SIRPA: variants seen among roughly 807,000 people sequenced by gnomAD.
The protein encoded by SIRPA is tyrosine-protein phosphatase non-receptor type substrate 1.
A neutral mutation model predicts 50.3 loss-of-function variants in SIRPA; 9 were observed. The observed-to-expected ratio is 0.18, with a 90% CI of 0.11 to 0.31. The LOEUF (loss-of-function observed/expected upper bound fraction) is 0.31. Ranked by LOEUF, SIRPA falls within the 10% of genes least tolerant of loss-of-function variation. SIRPA has a pLI of 1.00. For synonymous variants in SIRPA, 265 were observed against 284.1 expected, an observed-to-expected ratio of 0.93 and a Z score of 0.68; for missense variants, 474 against 661.6, an observed-to-expected ratio of 0.72 and a Z score of 3.11.
At chr20:1,896,334 G>A (rs998259132) in intron 1 of SIRPA, among the ~76,000 whole-genome samples, 8 of 152,242 alleles carry the variant, frequency 5.3e-5, no homozygotes, top group Non-Finnish European at 1.2e-4. Flanking sequence ...GGCTGTCGCC[G>A]GCAGGCGGGC....
At chr20:1,918,360 C>CTTTTTT (rs60736526) in intron 2 of SIRPA, among the ~76,000 whole-genome samples, 33 of 95,678 alleles carry the variant, frequency 3.4e-4, no homozygotes, top group African/African-American at 1.1e-3. Flanking sequence ...ACCACACCAG[C>CTTTTTT]TTTTTTTTTT....
intron 1 of SIRPA, among the ~76,000 whole-genome samples, chr20:1,914,727 C>A (rs2123089248): frequency 7.5e-6 from 1 of 134,034 alleles, no homozygotes; most frequent in African/African-American, 2.8e-5. Context: ...TGTACAGCCC[C>A]AGATATGCCA....
rs867441688 is a variant in SIRPA at position 1,924,938 on chromosome 20, C to T, written c.1201+61C>T. On this transcript the variant is annotated intron_variant, in intron 5 of 7. Transcript: ENST00000358771. This position sits in a 1 kb window ranked among gnomAD's most constrained non-coding sequence, Gnocchi z 4.5. ...TCCCTGGACTGTCCTCGGAGGGAGA[C>T]GCCATTAGGTGCTTTGGGTTAAGGA... The T allele has an allele frequency of 1.1e-4, 153 of 1,333,596 alleles. No individual in the cohort carries two copies. Among genetic ancestry groups the T allele is most frequent in the African/African-American group, 4.2e-4 (29 of 69,420 alleles). The allele number at this position is 1,333,596 out of a possible 1,614,324, so 82.6% of individuals were successfully genotyped here.
rs1374708259 is a variant in SIRPA, at chr20:1,898,067, C to T, written c.79+2541C>T. ...GAGACCTCTGAGTCACCCCCCAGGC[C>T]GACCTCAGATAAACTCCCATTCATT... On this transcript the variant is annotated intron_variant, in intron 1 of 7. Coordinates refer to ENST00000358771, the MANE Select transcript of SIRPA (RefSeq NM_001040023.2). The surrounding 1 kb of genome is among the most constrained non-coding windows in gnomAD (Gnocchi z 4.3). Among the ~76,000 whole-genome samples the T allele has an allele frequency of 6.6e-6, 1 of 152,202 alleles. No homozygotes were observed. The highest frequency in any genetic ancestry group is 2.4e-5 in the African/African-American group (1 of 41,434).
chr20:1,902,687 G>C (rs1256779995), intron 1 of SIRPA, among the ~76,000 whole-genome samples: 1 of 152,076 alleles, frequency 6.6e-6, no homozygotes, highest in Non-Finnish European at 1.5e-5. Context: ...ACAGAGGGAG[G>C]GCCGCTCTAA....
chr20:1,896,150 T>C (rs1983800421), intron 1 of SIRPA, among the ~76,000 whole-genome samples: 1 of 152,168 alleles, frequency 6.6e-6, no homozygotes, highest in Admixed American at 6.5e-5. Context: ...CGGTGGATTG[T>C]CCCTGTGGTT....
At chr20:1,921,916 C>T (rs1257145174) in intron 3 of SIRPA, among the ~76,000 whole-genome samples, 3 of 152,130 alleles carry the variant, frequency 2.0e-5, no homozygotes, top group East Asian at 1.9e-4. Flanking sequence ...CACCACCCAC[C>T]AGGTGCCAAG....
In SIRPA at chr20:1,937,620, C is replaced by T; in HGVS notation, c.*52C>T. On this transcript the variant is annotated 3_prime_UTR_variant, in exon 8 of 8. Coordinates refer to ENST00000358771, the MANE Select transcript of SIRPA (RefSeq NM_001040023.2). This position sits in a 1 kb window ranked among gnomAD's most constrained non-coding sequence, Gnocchi z 8.3. ...CATCTCTACGCGCTTTCTTGTCCCA[C>T]AGGGAGCCGCCGTGATGAGCACAGC... 8 of 1,590,640 alleles carry T rather than the reference C, an allele frequency of 5.0e-6. No individual in the cohort carries two copies. The highest frequency in any genetic ancestry group is 6.9e-6 in the Non-Finnish European group (8 of 1,166,090).
chr20:1,916,058 T>C (rs2123104809), intron 2 of SIRPA, among the ~76,000 whole-genome samples: 1 of 152,368 alleles, frequency 6.6e-6, no homozygotes, highest in South Asian at 2.1e-4. Context: ...GGGCATTTTC[T>C]GTGGGTCTTT....
intron 1 of SIRPA, among the ~76,000 whole-genome samples, chr20:1,904,627 C>A (rs996149408): frequency 2.6e-5 from 4 of 152,204 alleles, no homozygotes; most frequent in Non-Finnish European, 5.9e-5. Flanking sequence ...AGCGTCGATG[C>A]TTATTAGCTA....
At chr20:1,903,680 G>A (rs898644405) in intron 1 of SIRPA, among the ~76,000 whole-genome samples, 3 of 152,088 alleles carry the variant, frequency 2.0e-5, no homozygotes, top group East Asian at 1.9e-4. Flanking sequence ...TTTCCCACCC[G>A]AGGGCCTTTG....
chr20:1,904,467 G>A (rs1352851722), intron 1 of SIRPA, among the ~76,000 whole-genome samples: 4 of 152,086 alleles, frequency 2.6e-5, no homozygotes, highest in African/African-American at 9.7e-5. Context: ...AGAGGGAGGT[G>A]GAATCAGACC....
rs755130529 is a variant in SIRPA, at chr20:1,939,946, C to G, written c.*2378C>G. The G allele has an allele frequency of 6.6e-6, 1 of 152,560 alleles. No homozygotes were observed. Among genetic ancestry groups the G allele is most frequent in the African/African-American group, 2.4e-5 (1 of 41,470 alleles). 9.5% of individuals were successfully genotyped at this position (152,560 alleles called of 1,614,324 possible). ...CTTTGTGAGTGCGTCCCGGGGCCGC[C>G]TCGGGGCCTGCCTGCCCTCCTGCCA... On this transcript the variant is annotated 3_prime_UTR_variant, in exon 8 of 8. Transcript: ENST00000358771. This position sits in a 1 kb window ranked among gnomAD's most constrained non-coding sequence, Gnocchi z 4.7.
At chr20:1,914,301 G>A (rs750856472) in intron 1 of SIRPA, among the ~76,000 whole-genome samples, 7 of 152,194 alleles carry the variant, frequency 4.6e-5, no homozygotes, top group Non-Finnish European at 7.3e-5. Flanking sequence ...CAAGGGGCGA[G>A]CCAGGTTTCA....
At chr20:1,929,504 C>T (rs1345939444) in intron 6 of SIRPA, among the ~76,000 whole-genome samples, 1 of 152,082 alleles carries the variant, frequency 6.6e-6, no homozygotes, top group Non-Finnish European at 1.5e-5. Flanking sequence ...TCAGGCAAAG[C>T]AGTTGCATAT....
rs977520979 is a variant in SIRPA, at chr20:1,927,797, C to A, written c.1202-78C>A. 4 of 1,375,108 alleles carry A rather than the reference C, an allele frequency of 2.9e-6. No individual in the cohort carries two copies. The Middle Eastern group carries it at 5.3e-4, about 183-fold the overall frequency. 85.2% of individuals were successfully genotyped at this position (1,375,108 alleles called of 1,614,324 possible). A position where few individuals can be genotyped will look rare whatever the true frequency, so the allele number is the denominator to read the frequency against. Reference sequence around the variant, plus strand: ...TCCTCTCCATGTCCCTGGAGGCAAACCTTTTGCCAAAAAATAGTTACATAA... The same window carrying A: ...TCCTCTCCATGTCCCTGGAGGCAAAACTTTTGCCAAAAAATAGTTACATAA... On this transcript the variant is annotated intron_variant, in intron 5 of 7. Transcript: ENST00000358771. This position sits in a 1 kb window ranked among gnomAD's most constrained non-coding sequence, Gnocchi z 6.5.
intron 1 of SIRPA, among the ~76,000 whole-genome samples, chr20:1,904,291 C>T (rs577524885): frequency 2.0e-5 from 3 of 152,318 alleles, no homozygotes; most frequent in African/African-American, 7.2e-5. Context: ...AACTGCTTGC[C>T]CAACTTTAGA....
chr20:1,923,624 TGG>T (rs1443479561), intron 4 of SIRPA, among the ~76,000 whole-genome samples: 1 of 143,572 alleles, frequency 7.0e-6, no homozygotes, highest in East Asian at 4.9e-4. Context: ...CAGGTTTTCA[TGG>T]GATGTGTAGG....
Position 1,931,095 on chromosome 20 carries a change from C to G in SIRPA, c.1226+3196C>G, listed in dbSNP as rs560035545. On this transcript the variant is annotated intron_variant, in intron 6 of 7. Coordinates refer to ENST00000358771, the MANE Select transcript of SIRPA (RefSeq NM_001040023.2). ...AGGAACCCTATGATTTATCACTGTCCCAAGTTCATAGAACAGTGTTTTTCA... is the reference window on the plus strand; with the variant it reads ...AGGAACCCTATGATTTATCACTGTCGCAAGTTCATAGAACAGTGTTTTTCA... 1.4e-3 allele frequency among the ~76,000 whole-genome samples: 207 copies of G among 152,194 alleles called. No homozygotes were observed. In the Middle Eastern group the frequency reaches 0.014, roughly 10 times the overall value.
Sources: allele counts gnomAD v4.1 joint callset (sites outside exome capture counted in the v4.1 genomes callset), GRCh38; gene constraint gnomAD v4.1.1; non-coding constraint Gnocchi (gnomAD v3.1); transcripts MANE v1.5; gene names NCBI Gene and HGNC (gene_info 2026-07-23, HGNC 2026-07-21).